Variants in CSMD1 observed in about 807,000 individuals in gnomAD.
CSMD1 encodes the protein CUB and sushi domain-containing protein 1.
A neutral mutation model predicts 417.5 loss-of-function variants in CSMD1; 213 were observed. That is an observed-to-expected ratio of 0.51 (90% confidence interval 0.46 to 0.57). The LOEUF is 0.57. CSMD1 is among the 20% of genes least tolerant of loss of function. CSMD1 has a pLI of 0.00. For missense variants in CSMD1, 6,923 were observed against 4,529.7 expected (o/e 1.53, Z -15.17); for synonymous variants, 2,862 against 1,736.8 (o/e 1.65, Z -16.11).
At chr8:4,532,451 A>G (rs1796874169) in intron 2 of CSMD1, among the ~76,000 whole-genome samples, 1 of 149,164 alleles carries the variant, frequency 6.7e-6, no homozygotes, top group South Asian at 2.1e-4. Flanking sequence ...GTCACTCTGG[A>G]AGAGAAATCC....
intron 1 of CSMD1, among the ~76,000 whole-genome samples, chr8:4,941,695 C>G (rs1808014096): frequency 6.6e-6 from 1 of 152,054 alleles, no homozygotes; most frequent in Non-Finnish European, 1.5e-5. Context: ...ATCCCTCTAG[C>G]TCAAGCAATT....
chr8:4,047,154 C>A (rs563763616), intron 3 of CSMD1, among the ~76,000 whole-genome samples: 10 of 152,246 alleles, frequency 6.6e-5, no homozygotes, highest in African/African-American at 2.4e-4. Context: ...GCAACGGTTC[C>A]GTGAGCCTGA....
At chr8:3,442,049 T>G (rs1346885689) in intron 12 of CSMD1, among the ~76,000 whole-genome samples, 1 of 151,064 alleles carries the variant, frequency 6.6e-6, no homozygotes, top group Non-Finnish European at 1.5e-5. Context: ...TAAACAAAAA[T>G]TTTAAACAAA....
chr8:3,765,902 C>T (rs1798240911), intron 5 of CSMD1, among the ~76,000 whole-genome samples: 1 of 152,214 alleles, frequency 6.6e-6, no homozygotes, highest in Non-Finnish European at 1.5e-5. Context: ...GAGAGTCCAT[C>T]TCAAACATGA....
chr8:3,499,654 G>A (rs1400996905), intron 10 of CSMD1, among the ~76,000 whole-genome samples: 1 of 152,006 alleles, frequency 6.6e-6, no homozygotes, highest in Non-Finnish European at 1.5e-5. Context: ...CCTGTCTTGA[G>A]AGTGGCCTCC....
intron 1 of CSMD1, among the ~76,000 whole-genome samples, chr8:4,733,045 G>A (rs780894766): frequency 4.7e-4 from 71 of 151,554 alleles, no homozygotes; most frequent in Non-Finnish European, 8.7e-4. Context: ...ATCCCCAAAT[G>A]AAAAATAACT....
intron 54 of CSMD1, among the ~76,000 whole-genome samples, chr8:2,992,198 T>TGA (rs1563213949): frequency 8.9e-5 from 8 of 89,520 alleles, no homozygotes; most frequent in African/African-American, 1.2e-4. Flanking sequence ...CATGCACACA[T>TGA]ACATACACAC....
At position 3,052,534 on chromosome 8, in the gene CSMD1, T is replaced by C. The variant is rs1258817627; in HGVS notation, c.7588A>G (p.Ser2530Gly). The C allele has an allele frequency of 2.5e-6, 4 of 1,606,758 alleles. No homozygotes were observed. Among genetic ancestry groups the C allele is most frequent in the Non-Finnish European group, 2.6e-6 (3 of 1,176,436 alleles). The change falls in exon 50 of 70, where the codon AGC (serine) becomes GGC (glycine). Residue 2530 changes from serine (S) to glycine (G), a missense_variant. Coordinates refer to ENST00000635120, the MANE Select transcript of CSMD1 (RefSeq NM_033225.6). ...TGACACACGGCTGTTGCTTGCTGGC[T>C]GGATTCAAGCTTGAAGCCCTCATGA... ...ECHEGFKLES[S>G]QQATAVCQED...
chr8:4,906,576 C>CTT (rs10626735), intron 1 of CSMD1, among the ~76,000 whole-genome samples: 121,812 of 150,996 alleles, frequency 0.81, 49,228 homozygotes, highest in Admixed American at 0.83. Context: ...TTTTGAGTTG[C>CTT]TTTTTTTTCC....
At chr8:3,948,058 T>A (rs78301486) in intron 5 of CSMD1, among the ~76,000 whole-genome samples, 13,126 of 152,036 alleles carry the variant, frequency 0.086, 705 homozygotes, top group East Asian at 0.19. Context: ...ATATAAAAAT[T>A]ATCTGGGCAT....
intron 5 of CSMD1, among the ~76,000 whole-genome samples, chr8:3,976,250 T>C (rs1813428103): frequency 6.6e-6 from 1 of 152,204 alleles, no homozygotes; most frequent in African/African-American, 2.4e-5. Flanking sequence ...TTAAAAATTA[T>C]TTAAAAATGT....
At chr8:4,046,647 G>A (rs573185948) in intron 3 of CSMD1, among the ~76,000 whole-genome samples, 3 of 152,264 alleles carry the variant, frequency 2.0e-5, no homozygotes, top group South Asian at 4.1e-4. Flanking sequence ...CAACAAGTGT[G>A]CAGATAGGAT....
chr8:4,375,149 A>C (rs745767327), intron 3 of CSMD1, among the ~76,000 whole-genome samples: 3 of 152,164 alleles, frequency 2.0e-5, no homozygotes, highest in Non-Finnish European at 4.4e-5. Flanking sequence ...AGGTGAAAAT[A>C]CAGTGTTAGG....
chr8:4,717,416 C>T (rs767655760), intron 1 of CSMD1, among the ~76,000 whole-genome samples: 16 of 150,296 alleles, frequency 1.1e-4, no homozygotes, highest in Non-Finnish European at 1.8e-4. Context: ...TATACACACA[C>T]ACTATATATA....
intron 5 of CSMD1, among the ~76,000 whole-genome samples, chr8:3,895,641 CTAAA>C (rs1326326129): frequency 2.6e-5 from 4 of 152,168 alleles, no homozygotes; most frequent in African/African-American, 7.2e-5. Context: ...GAATCCTATC[CTAAA>C]TAATTACTAT....
chr8:3,588,800 G>C (rs1042847396), intron 8 of CSMD1, among the ~76,000 whole-genome samples: 5 of 152,124 alleles, frequency 3.3e-5, no homozygotes, highest in African/African-American at 1.2e-4. Flanking sequence ...ACACCCTGCA[G>C]AATGGGAGAA....
intron 5 of CSMD1, among the ~76,000 whole-genome samples, chr8:3,971,347 C>A (rs913417133): frequency 2.6e-5 from 4 of 152,148 alleles, no homozygotes; most frequent in African/African-American, 7.2e-5. Flanking sequence ...CATGTGTTCT[C>A]TTTCTGTAAT....
chr8:3,325,058 T>C (rs1188889130), intron 23 of CSMD1, among the ~76,000 whole-genome samples: 1 of 151,978 alleles, frequency 6.6e-6, no homozygotes, highest in Non-Finnish European at 1.5e-5. Flanking sequence ...CAGAGAAAAA[T>C]AACAATTTTG....
At chr8:3,178,154 T>C (rs1224030151) in intron 37 of CSMD1, among the ~76,000 whole-genome samples, 1 of 152,154 alleles carries the variant, frequency 6.6e-6, no homozygotes, top group Non-Finnish European at 1.5e-5. Context: ...AAACCAGACT[T>C]TCTTGGAACT....
Sources: gnomAD v4.1 joint callset for allele counts (sites outside exome capture counted in the v4.1 genomes callset) on GRCh38, gnomAD v4.1.1 for gene constraint, MANE v1.5 for transcripts, NCBI Gene and HGNC (gene_info 2026-07-23, HGNC 2026-07-21) for gene names.